PRICKLE1: variants seen among roughly 807,000 people sequenced by gnomAD.
PRICKLE1 encodes prickle-like protein 1.
Under a neutral mutation model 70.2 loss-of-function variants are expected in PRICKLE1, and 14 were observed. The observed-to-expected ratio is 0.20, with a 90% CI of 0.13 to 0.31. The LOEUF is 0.31. Among genes scored for constraint, PRICKLE1 ranks in the 10% least tolerant of loss-of-function variants. The pLI, the probability that PRICKLE1 is intolerant of heterozygous loss-of-function variation, is 1.00. For synonymous variants in PRICKLE1, 357 were observed against 379.9 expected (o/e 0.94, Z 0.70); for missense variants, 821 against 1,026.2 (o/e 0.80, Z 2.73).
At chr12:42,465,345 G>T in intron 6 of PRICKLE1, 87 bp from the exon 7 acceptor site, 1 of 1,330,926 alleles carries the variant, frequency 7.5e-7, no homozygotes, top group East Asian at 2.3e-5. Flanking sequence ...AATAAATAAA[G>T]ATTATGGGTA....
chr12:42,499,135 T>C (rs1031205562), intron 1 of PRICKLE1, among the ~76,000 whole-genome samples: 1 of 152,022 alleles, frequency 6.6e-6, no homozygotes, highest in Non-Finnish European at 1.5e-5. Flanking sequence ...AGTACTCATA[T>C]GCTAGGCATT....
intron 1 of PRICKLE1, among the ~76,000 whole-genome samples, chr12:42,585,524 AG>A (rs1940972805): frequency 6.6e-6 from 1 of 152,172 alleles, no homozygotes. Context: ...CCAGTGGCTC[AG>A]GAATGGTTCT....
chr12:42,497,304 G>C (rs948394428), intron 1 of PRICKLE1, among the ~76,000 whole-genome samples: 2 of 152,164 alleles, frequency 1.3e-5, no homozygotes, highest in South Asian at 4.1e-4. Context: ...CCAGCACTTT[G>C]GGAGGCCAGG....
At chr12:42,549,303 C>T (rs1344150846) in intron 1 of PRICKLE1, among the ~76,000 whole-genome samples, 1 of 152,132 alleles carries the variant, frequency 6.6e-6, no homozygotes, top group African/African-American at 2.4e-5. Flanking sequence ...ACACATCAAA[C>T]TGGCCATAGC....
chr12:42,561,007 A>T lies in PRICKLE1; in HGVS notation c.-49+28458T>A, dbSNP rs116842909. ...TATATCCTTCCCTCTTCCTTGAGGC[A>T]TTTGTCACAATTCCAGACAAGATTA... On this transcript the variant is annotated intron_variant, in intron 1 of 7. Coordinates refer to ENST00000345127, the MANE Select transcript of PRICKLE1 (RefSeq NM_153026.3). 2.6e-3 allele frequency among the ~76,000 whole-genome samples: 395 copies of T among 152,274 alleles called. 4 individuals are homozygous for T. Among genetic ancestry groups the T allele is most frequent in the East Asian group, 0.023 (120 of 5,182 alleles).
At position 42,464,518 on chromosome 12, in the gene PRICKLE1, C is replaced by T. The variant is rs796052932; in HGVS notation, c.1516G>A (p.Ala506Thr). The change falls in exon 7 of 8, where the codon GCT becomes ACT. Residue 506 changes from alanine (A) to threonine (T), a missense_variant. Coordinates refer to ENST00000345127, the MANE Select transcript of PRICKLE1 (RefSeq NM_153026.3). The surrounding 1 kb of genome is among the most constrained non-coding windows in gnomAD (Gnocchi z 4.2). The part of the protein sequence containing the change: ...RLQELELDHG[A>T]SGYNHDETQW... ...GTTTCATCATGATTATACCCTGAAG[C>T]CCCATGGTCCAGTTCCAATTCCTGA... The T allele has an allele frequency of 4.3e-6, 7 of 1,613,898 alleles. No individual in the cohort carries two copies. Among genetic ancestry groups the T allele is most frequent in the African/African-American group, 2.7e-5 (2 of 74,868 alleles).
intron 6 of PRICKLE1, chr12:42,465,481 T>C (rs941181757): frequency 1.2e-5 from 7 of 568,576 alleles, no homozygotes; most frequent in South Asian, 4.2e-5. Context: ...AACAGTTTCA[T>C]GGTCATTCGC....
At chr12:42,478,765 G>A (rs1938675363) in intron 1 of PRICKLE1, among the ~76,000 whole-genome samples, 1 of 151,618 alleles carries the variant, frequency 6.6e-6, no homozygotes, top group African/African-American at 2.4e-5. Flanking sequence ...ATATCATGGG[G>A]CTATTCCATG....
rs971088036 is a variant in PRICKLE1 at position 42,589,688 on chromosome 12, C to G, written c.-272G>C. 11 of 151,626 alleles carry G rather than the reference C, an allele frequency of 7.3e-5. No individual in the cohort carries two copies. The highest frequency in any genetic ancestry group is 2.4e-4 in the African/African-American group (10 of 41,344). The allele number at this position is 151,626 out of a possible 1,614,324, so 9.4% of individuals were successfully genotyped here. ...GCGAGGCTGGCATGTTCCGGGCGCG[C>G]TGTCGGGCGGCGGCGGCCGCGGGAG... On this transcript the variant is annotated 5_prime_UTR_variant, in exon 1 of 8. Coordinates refer to ENST00000345127, the MANE Select transcript of PRICKLE1 (RefSeq NM_153026.3). This position sits in a 1 kb window ranked among gnomAD's most constrained non-coding sequence, Gnocchi z 5.0.
At chr12:42,529,535 T>A (rs946399817) in intron 1 of PRICKLE1, among the ~76,000 whole-genome samples, 1 of 152,242 alleles carries the variant, frequency 6.6e-6, no homozygotes, top group Non-Finnish European at 1.5e-5. Context: ...AATGTGATTC[T>A]TACAGACAAT....
chr12:42,538,179 C>T (rs1273399059), intron 1 of PRICKLE1, among the ~76,000 whole-genome samples: 4 of 152,138 alleles, frequency 2.6e-5, no homozygotes, highest in Non-Finnish European at 4.4e-5. Flanking sequence ...TCTTTCTTCT[C>T]TTTCATTGTC....
chr12:42,546,387 C>G (rs934374009), intron 1 of PRICKLE1, among the ~76,000 whole-genome samples: 5 of 152,142 alleles, frequency 3.3e-5, no homozygotes, highest in African/African-American at 1.2e-4. Flanking sequence ...ATGGAAGGAA[C>G]TTTTCACCTG....
At chr12:42,586,345 C>A (rs547965789) in intron 1 of PRICKLE1, among the ~76,000 whole-genome samples, 1 of 151,808 alleles carries the variant, frequency 6.6e-6, no homozygotes. Flanking sequence ...ATACTTTTAA[C>A]ATTTCTATTC....
intron 1 of PRICKLE1, among the ~76,000 whole-genome samples, chr12:42,514,316 C>T (rs1939566575): frequency 6.6e-6 from 1 of 152,154 alleles, no homozygotes; most frequent in Non-Finnish European, 1.5e-5. Flanking sequence ...ATACTTTCCT[C>T]TGTGTATGCT....
intron 1 of PRICKLE1, among the ~76,000 whole-genome samples, chr12:42,503,492 T>G (rs1460732638): frequency 2.0e-5 from 3 of 152,098 alleles, no homozygotes; most frequent in Non-Finnish European, 4.4e-5. Flanking sequence ...ACAATACAAA[T>G]CTTAACTAAA....
intron 1 of PRICKLE1, among the ~76,000 whole-genome samples, chr12:42,563,120 T>G (rs1592031679): frequency 6.6e-6 from 1 of 151,266 alleles, no homozygotes; most frequent in Non-Finnish European, 1.5e-5. Context: ...GAGACGGAGG[T>G]TGCAGTGAAC....
Position 42,466,146 on chromosome 12 carries a change from C to T in PRICKLE1, c.775+48G>A, listed in dbSNP as rs201989621. The T allele has an allele frequency of 9.7e-4, 1,553 of 1,594,414 alleles. 8 individuals are homozygous for T. Among genetic ancestry groups the T allele is most frequent in the East Asian group, 1.3e-3 (56 of 44,800 alleles). Reference sequence around the variant, plus strand: ...AAAAATAAGACTGGATAATCCAAGACAGACTAATGGCTAGGTGACAGGGCA... The same window carrying T: ...AAAAATAAGACTGGATAATCCAAGATAGACTAATGGCTAGGTGACAGGGCA... On this transcript the variant is annotated intron_variant, in intron 6 of 7. Transcript: ENST00000345127.
At position 42,460,593 on chromosome 12, in the gene PRICKLE1, G is replaced by A. The variant is rs192905881; in HGVS notation, c.1712C>T (p.Thr571Ile). ...YSLQNFEEMETEDCEKMSNMG... is the reference protein window; with the variant it reads ...YSLQNFEEMEIEDCEKMSNMG... ...ATTGCTCATCTTCTCACAATCTTCT[G>A]TTTCCATCTCCTCAAAATTTTGCAG... The change falls in exon 8 of 8, where the codon ACA becomes ATA. Residue 571 changes from threonine to isoleucine, a missense_variant. Physicochemically the swap from Thr to Ile is moderately conservative, Grantham distance 89 (BLOSUM62 -1). Transcript: ENST00000345127. The A allele has an allele frequency of 6.2e-7, 1 of 1,613,730 alleles. No homozygotes were observed. Among genetic ancestry groups the A allele is most frequent in the African/African-American group, 1.3e-5 (1 of 75,032 alleles).
At chr12:42,477,569 C>T (rs902551376) in intron 1 of PRICKLE1, among the ~76,000 whole-genome samples, 24 of 143,812 alleles carry the variant, frequency 1.7e-4, no homozygotes, top group African/African-American at 5.9e-4. Flanking sequence ...GCATTTAAAA[C>T]ACTATATGGT....
Sources: gnomAD v4.1 joint callset for allele counts (sites outside exome capture counted in the v4.1 genomes callset) on GRCh38, gnomAD v4.1.1 for gene constraint, Gnocchi (gnomAD v3.1) non-coding constraint, MANE v1.5 for transcripts, NCBI Gene and HGNC (gene_info 2026-07-23, HGNC 2026-07-21) for gene names.